The following DGKB variants were observed in gnomAD, a reference collection of about 807,000 sequenced individuals.
The protein encoded by DGKB is diacylglycerol kinase beta.
In DGKB, 67 loss-of-function variants were observed where a neutral mutation model predicts 114.3. The ratio of observed to expected loss-of-function variants is 0.59; its 90% CI spans 0.48 to 0.72. The LOEUF (loss-of-function observed/expected upper bound fraction) is 0.72. DGKB is among the 30% of genes least tolerant of loss of function. DGKB has a pLI of 0.00. For synonymous variants in DGKB, 398 were observed against 323.1 expected, an observed-to-expected ratio of 1.23 and a Z score of -2.49; for missense variants, 907 against 975.2, an observed-to-expected ratio of 0.93 and a Z score of 0.93.
At chr7:14,780,216 C>A (rs1838857746) in intron 2 of DGKB, among the ~76,000 whole-genome samples, 1 of 152,110 alleles carries the variant, frequency 6.6e-6, no homozygotes, top group Non-Finnish European at 1.5e-5. Flanking sequence ...CTATAAATGA[C>A]CCTGTGATGG....
At chr7:14,264,746 A>C (rs1797247076) in intron 23 of DGKB, among the ~76,000 whole-genome samples, 1 of 152,162 alleles carries the variant, frequency 6.6e-6, no homozygotes, top group Non-Finnish European at 1.5e-5. Flanking sequence ...TATGTAGATG[A>C]GACATCTTGG....
chr7:14,225,305 A>G (rs992167413), intron 23 of DGKB, among the ~76,000 whole-genome samples: 1 of 152,042 alleles, frequency 6.6e-6, no homozygotes, highest in Admixed American at 6.6e-5. Context: ...GTTGCTGAGT[A>G]TGGGAGACTC....
intron 2 of DGKB, among the ~76,000 whole-genome samples, chr7:14,802,466 TGAA>T (rs1842295025): frequency 6.6e-6 from 1 of 152,176 alleles, no homozygotes; most frequent in Non-Finnish European, 1.5e-5. Context: ...GACTATTTTT[TGAA>T]GATTTTGCAA....
intron 1 of DGKB, among the ~76,000 whole-genome samples, chr7:14,843,315 CTTTTTTTTTTT>C (rs761304991): frequency 9.1e-5 from 7 of 77,230 alleles, no homozygotes; most frequent in Non-Finnish European, 1.1e-4. Flanking sequence ...ATTTTAATAA[CTTTTTTTTTTT>C]TTTTTTTTTT....
At chr7:14,918,554 C>G (rs1037141494) in intron 1 of DGKB, among the ~76,000 whole-genome samples, 1 of 151,778 alleles carries the variant, frequency 6.6e-6, no homozygotes, top group Non-Finnish European at 1.5e-5. Flanking sequence ...ATAAATTTAA[C>G]AAAATATATA....
At chr7:14,611,362 A>C (rs1402814212) in intron 16 of DGKB, among the ~76,000 whole-genome samples, 1 of 152,132 alleles carries the variant, frequency 6.6e-6, no homozygotes, top group African/African-American at 2.4e-5. Context: ...ACATATGTGA[A>C]CATTTTCAGA....
intron 23 of DGKB, among the ~76,000 whole-genome samples, chr7:14,245,331 T>C (rs1489599594): frequency 6.6e-6 from 1 of 152,186 alleles, no homozygotes; most frequent in Non-Finnish European, 1.5e-5. Context: ...ATGATGTACA[T>C]TTGAATGTAA....
intron 2 of DGKB, among the ~76,000 whole-genome samples, chr7:14,767,091 A>C (rs1019881974): frequency 6.6e-6 from 1 of 151,674 alleles, no homozygotes; most frequent in Admixed American, 6.6e-5. Flanking sequence ...AGAAGGAAAG[A>C]ATTTGGGCAG....
chr7:14,862,134 C>T (rs960102228), intron 1 of DGKB, among the ~76,000 whole-genome samples: 2 of 151,610 alleles, frequency 1.3e-5, no homozygotes, highest in African/African-American at 4.9e-5. Flanking sequence ...TATTTTCTTT[C>T]CCCCCCAGCT....
intron 13 of DGKB, among the ~76,000 whole-genome samples, chr7:14,672,642 G>A (rs1421590698): frequency 6.6e-6 from 1 of 152,002 alleles, no homozygotes. Context: ...TATATAAAAT[G>A]TTGAAGTCTT....
chr7:14,478,925 A>C (rs754332586), intron 20 of DGKB, among the ~76,000 whole-genome samples: 1 of 152,118 alleles, frequency 6.6e-6, no homozygotes, highest in Non-Finnish European at 1.5e-5. Context: ...ACTTTTAGCA[A>C]ATACAGAATT....
intron 21 of DGKB, among the ~76,000 whole-genome samples, chr7:14,418,425 A>C: frequency 9.7e-6 from 1 of 102,936 alleles, no homozygotes; most frequent in Non-Finnish European, 2.2e-5. Context: ...GAGTATACAT[A>C]TTTCCTTTAT....
At chr7:14,788,165 T>C (rs1036828220) in intron 2 of DGKB, among the ~76,000 whole-genome samples, 7 of 152,168 alleles carry the variant, frequency 4.6e-5, no homozygotes, top group Non-Finnish European at 8.8e-5. Flanking sequence ...CACAAATAGC[T>C]CTAATGCCCA....
chr7:14,784,680 A>G (rs1455086979), intron 2 of DGKB, among the ~76,000 whole-genome samples: 1 of 152,130 alleles, frequency 6.6e-6, no homozygotes. Flanking sequence ...CCCAGTTTAT[A>G]TGCTATTTTT....
chr7:14,663,823 A>C (rs1042296245), intron 13 of DGKB, among the ~76,000 whole-genome samples: 14 of 149,736 alleles, frequency 9.3e-5, no homozygotes, highest in Admixed American at 2.0e-4. Context: ...GCAAAAAAAA[A>C]CAAATTATCC....
intron 21 of DGKB, among the ~76,000 whole-genome samples, chr7:14,472,930 GTTAAA>G (rs1294040195): frequency 6.6e-6 from 1 of 152,186 alleles, no homozygotes; most frequent in Non-Finnish European, 1.5e-5. Flanking sequence ...CTTGGGTGCT[GTTAAA>G]GGCATTCAGT....
chr7:14,157,375 G>GTTTT (rs5882430), intron 25 of DGKB, among the ~76,000 whole-genome samples: 3 of 145,042 alleles, frequency 2.1e-5, no homozygotes, highest in Admixed American at 6.9e-5. Flanking sequence ...CCTTTTGCCA[G>GTTTT]TTTTTTTTTT....
chr7:14,273,047 A>G (rs1011041847), intron 23 of DGKB, among the ~76,000 whole-genome samples: 1 of 152,146 alleles, frequency 6.6e-6, no homozygotes, highest in Admixed American at 6.6e-5. Flanking sequence ...TGAATTCATT[A>G]GAAAGATCAC....
chr7:14,384,405 T>C (rs925092209), intron 21 of DGKB, among the ~76,000 whole-genome samples: 4 of 152,164 alleles, frequency 2.6e-5, no homozygotes, highest in African/African-American at 9.7e-5. Flanking sequence ...ATATTGTCAG[T>C]GGCTGCTTTC....
Sources: allele counts gnomAD v4.1 joint callset (sites outside exome capture counted in the v4.1 genomes callset), GRCh38; gene constraint gnomAD v4.1.1; transcripts MANE v1.5; gene names NCBI Gene and HGNC (gene_info 2026-07-23, HGNC 2026-07-21).